SIK3: variants seen among roughly 807,000 people sequenced by gnomAD.
SIK3 encodes SIK family kinase 3.
A neutral mutation model predicts 144.2 loss-of-function variants in SIK3; 28 were observed. That is an observed-to-expected ratio of 0.19 (90% CI 0.14 to 0.27). The LOEUF (loss-of-function observed/expected upper bound fraction) is 0.27, where lower values mean the gene tolerates loss of function less well. Among genes scored for constraint, SIK3 ranks in the 10% least tolerant of loss-of-function variants. The probability of loss-of-function intolerance (pLI) is 1.00; values close to 1 mark genes in which losing one functional copy is unlikely to be tolerated. For synonymous variants in SIK3, 686 were observed against 676.3 expected (o/e 1.01, Z -0.22); for missense variants, 1,319 against 1,776.0 (o/e 0.74, Z 4.62).
At chr11:116,971,854 C>T (rs1949772789) in intron 1 of SIK3, among the ~76,000 whole-genome samples, 1 of 151,584 alleles carries the variant, frequency 6.6e-6, no homozygotes, top group Non-Finnish European at 1.5e-5. Flanking sequence ...TTTGGGAGGC[C>T]GAGGCGGGTG....
intron 1 of SIK3, among the ~76,000 whole-genome samples, chr11:117,049,299 T>C (rs928417114): frequency 1.3e-5 from 2 of 152,084 alleles, no homozygotes; most frequent in African/African-American, 4.8e-5. Context: ...ACTTTCCATC[T>C]GGACGCAGTG....
intron 4 of SIK3, among the ~76,000 whole-genome samples, chr11:116,903,865 C>G (rs1050349022): frequency 1.2e-4 from 19 of 152,182 alleles, no homozygotes. Flanking sequence ...GGATTACAAG[C>G]AACAGCCACT....
chr11:116,937,472 A>C (rs1947981846), intron 3 of SIK3, among the ~76,000 whole-genome samples: 1 of 152,246 alleles, frequency 6.6e-6, no homozygotes, highest in South Asian at 2.1e-4. Context: ...ATTACGGTAC[A>C]TAATACCTAA....
chr11:116,897,079 G>A (rs965967470), intron 5 of SIK3, 114 bp downstream of exon 5: 5 of 1,113,934 alleles, frequency 4.5e-6, no homozygotes, highest in Non-Finnish European at 5.0e-6. Context: ...TGAAAGAACA[G>A]GTGACCAGGA....
chr11:116,926,822 A>G (rs1591343082), intron 4 of SIK3, among the ~76,000 whole-genome samples: 1 of 152,140 alleles, frequency 6.6e-6, no homozygotes, highest in Admixed American at 6.5e-5. Context: ...GGAGTTCAAG[A>G]CCAGCCTGCC....
intron 1 of SIK3, among the ~76,000 whole-genome samples, chr11:117,068,654 A>G (rs57072067): frequency 0.025 from 3,744 of 152,304 alleles, 86 homozygotes; most frequent in South Asian, 0.11. Context: ...AGCTGAGCCC[A>G]GGAGGCTGAG....
intron 4 of SIK3, among the ~76,000 whole-genome samples, chr11:116,919,058 G>A (rs930219870): frequency 2.0e-5 from 3 of 152,104 alleles, no homozygotes; most frequent in African/African-American, 7.2e-5. Context: ...AACCTGGGAG[G>A]TGCAATGAAT....
chr11:116,875,512 T>C, intron 9 of SIK3, 61 bp from the exon 10 acceptor site: 1 of 1,539,586 alleles, frequency 6.5e-7, no homozygotes, highest in Non-Finnish European at 8.9e-7. Context: ...ATAATGAGTC[T>C]TTCCAAGTAG....
At chr11:116,976,726 G>A (rs983899654) in intron 1 of SIK3, among the ~76,000 whole-genome samples, 4 of 152,200 alleles carry the variant, frequency 2.6e-5, no homozygotes, top group African/African-American at 9.7e-5. Flanking sequence ...CAGTTGTGGT[G>A]TTTTAGTAAC....
At chr11:117,014,425 A>G (rs187695190) in intron 1 of SIK3, among the ~76,000 whole-genome samples, 47 of 152,310 alleles carry the variant, frequency 3.1e-4, no homozygotes, top group African/African-American at 1.1e-3. Context: ...TTATGACTTT[A>G]TGTCATAACT....
intron 1 of SIK3, among the ~76,000 whole-genome samples, chr11:117,011,498 T>C (rs888152729): frequency 6.6e-6 from 1 of 151,732 alleles, no homozygotes; most frequent in Admixed American, 6.6e-5. Context: ...AGTGGTTATT[T>C]TCTACAGAAA....
At chr11:116,886,584 C>T (rs1382263022) in intron 6 of SIK3, among the ~76,000 whole-genome samples, 1 of 152,172 alleles carries the variant, frequency 6.6e-6, no homozygotes, top group Non-Finnish European at 1.5e-5. Flanking sequence ...GAAGTCTAAT[C>T]AATAAAGACT....
At chr11:117,083,628 CAATATTAG>C (rs1171925270) in intron 1 of SIK3, among the ~76,000 whole-genome samples, 1 of 152,124 alleles carries the variant, frequency 6.6e-6, no homozygotes, top group African/African-American at 2.4e-5. Context: ...GCTGCTTATG[CAATATTAG>C]AACATTCTAA....
rs1555113351 is a variant in SIK3 at position 116,965,756 on chromosome 11, T to TATATATATATATA, written c.274-8705_274-8693dup. ...TAAAATATATATATATATATATATATATATATATATATATATATATATATA... is the reference window on the plus strand; with the variant it reads ...TAAAATATATATATATATATATATATATATATATATATAATATATATATATATATATATATATA... On this transcript the variant is annotated intron_variant, in intron 1 of 24. Transcript: ENST00000445177. 3.2e-4 allele frequency among the ~76,000 whole-genome samples: 16 copies of TATATATATATATA among 49,452 alleles called. 1 individual carries two copies. The highest frequency in any genetic ancestry group is 8.8e-4 in the African/African-American group (15 of 16,964). The allele number at this position is 49,452 out of a possible 152,430, so 32.4% of individuals were successfully genotyped here.
intron 1 of SIK3, among the ~76,000 whole-genome samples, chr11:117,060,119 A>G (rs1224150246): frequency 6.6e-6 from 1 of 152,242 alleles, no homozygotes; most frequent in Non-Finnish European, 1.5e-5. Context: ...TAATAGGTGA[A>G]TGGGTAAATA....
chr11:116,917,087 T>C (rs1946684460), intron 4 of SIK3, among the ~76,000 whole-genome samples: 1 of 152,080 alleles, frequency 6.6e-6, no homozygotes, highest in Admixed American at 6.5e-5. Flanking sequence ...CTTGAGTAGC[T>C]GGGACTACAG....
At chr11:116,885,672 A>G (rs191961675) in intron 6 of SIK3, among the ~76,000 whole-genome samples, 8 of 152,334 alleles carry the variant, frequency 5.3e-5, no homozygotes, top group African/African-American at 1.7e-4. Flanking sequence ...ATGCAGACAA[A>G]TATATCCATT....
chr11:116,951,751 A>G (rs983604202), intron 3 of SIK3, among the ~76,000 whole-genome samples: 1 of 151,980 alleles, frequency 6.6e-6, no homozygotes, highest in Non-Finnish European at 1.5e-5. Flanking sequence ...CCTGGGCAAC[A>G]TAATGAGACC....
intron 1 of SIK3, among the ~76,000 whole-genome samples, chr11:116,995,612 T>A (rs190549185): frequency 1.3e-5 from 2 of 152,222 alleles, no homozygotes; most frequent in East Asian, 3.9e-4. Context: ...CTAGATACAC[T>A]TCAGATGTTT....
Sources: gnomAD v4.1 joint callset for allele counts (sites outside exome capture counted in the v4.1 genomes callset) on GRCh38, gnomAD v4.1.1 for gene constraint, MANE v1.5 for transcripts, NCBI Gene and HGNC (gene_info 2026-07-23, HGNC 2026-07-21) for gene names.